The following BAIAP2L1 variants were observed in gnomAD, a reference collection of about 807,000 sequenced individuals.
The protein encoded by BAIAP2L1 is BAR/IMD domain containing adaptor protein 2 like 1, also known as BAR/IMD domain-containing adapter protein 2-like 1.
In BAIAP2L1, 35 loss-of-function variants were observed where a neutral mutation model predicts 66.3. The ratio of observed to expected loss-of-function variants is 0.53; its 90% confidence interval spans 0.40 to 0.70. BAIAP2L1 has a LOEUF of 0.70. Among genes scored for constraint, BAIAP2L1 ranks in the 30% least tolerant of loss-of-function variants. BAIAP2L1 has a pLI of 0.00. For synonymous variants in BAIAP2L1, 269 were observed against 248.7 expected, an observed-to-expected ratio of 1.08 and a Z score of -0.77; for missense variants, 622 against 656.9, an observed-to-expected ratio of 0.95 and a Z score of 0.58.
intron 10 of BAIAP2L1, chr7:98,307,451 C>T (rs1430141385): frequency 7.2e-7 from 1 of 1,387,360 alleles, no homozygotes; most frequent in Non-Finnish European, 9.3e-7. Context: ...AAACTACTTT[C>T]AGACAGGTGA....
chr7:98,320,338 G>A (rs75021532), intron 3 of BAIAP2L1, 40 bp from the exon 4 acceptor site: 52,664 of 1,469,972 alleles, frequency 0.036, 1,091 homozygotes, highest in Non-Finnish European at 0.043. Context: ...AAGCCATTGC[G>A]TATTTTTTTG....
intron 12 of BAIAP2L1, among the ~76,000 whole-genome samples, chr7:98,294,878 C>G (rs955949564): frequency 6.6e-6 from 1 of 152,208 alleles, no homozygotes; most frequent in Non-Finnish European, 1.5e-5. Context: ...CTTCCAGCAC[C>G]TGCCACCCAG....
chr7:98,373,481 G>A (rs1402012189), intron 1 of BAIAP2L1, among the ~76,000 whole-genome samples: 1 of 152,070 alleles, frequency 6.6e-6, no homozygotes, highest in East Asian at 1.9e-4. Flanking sequence ...AATAGCAATG[G>A]GCCTGGAAGG....
At position 98,292,578 on chromosome 7, in the gene BAIAP2L1, C is replaced by T. The variant is rs1445868697; in HGVS notation, c.*943G>A. 3 of 1,496,040 alleles carry T rather than the reference C, an allele frequency of 2.0e-6. No homozygotes were observed. Among genetic ancestry groups the T allele is most frequent in the Non-Finnish European group, 2.7e-6 (3 of 1,096,562 alleles). 92.7% of individuals were successfully genotyped at this position (1,496,040 alleles called of 1,614,324 possible). A position where few individuals can be genotyped will look rare whatever the true frequency, so the allele number is the denominator to read the frequency against. Reference sequence around the variant, plus strand: ...CCAGTGCGTAGTCCTCACATCCATACCATAGGGCCAGGTTCCGAGGGCATC... The same window carrying T: ...CCAGTGCGTAGTCCTCACATCCATATCATAGGGCCAGGTTCCGAGGGCATC... On this transcript the variant is annotated 3_prime_UTR_variant, in exon 14 of 14. Transcript: ENST00000005260.
intron 1 of BAIAP2L1, among the ~76,000 whole-genome samples, chr7:98,398,517 A>G (rs768595239): frequency 2.6e-4 from 40 of 152,092 alleles, no homozygotes; most frequent in Non-Finnish European, 5.1e-4. Flanking sequence ...GGAAATAGTA[A>G]TTAAAACGAA....
intron 3 of BAIAP2L1, among the ~76,000 whole-genome samples, chr7:98,337,633 T>C (rs1005146217): frequency 6.6e-6 from 1 of 152,226 alleles, no homozygotes; most frequent in Non-Finnish European, 1.5e-5. Context: ...TAGTTGGGTA[T>C]GTGGCCGGGC....
At chr7:98,328,018 GT>G (rs377766958) in intron 3 of BAIAP2L1, among the ~76,000 whole-genome samples, 3,683 of 145,444 alleles carry the variant, frequency 0.025, 147 homozygotes, top group African/African-American at 0.087. Context: ...CCCGAACATT[GT>G]TTTTTTTTTT....
chr7:98,356,994 CAA>C (rs1171832329), intron 2 of BAIAP2L1, among the ~76,000 whole-genome samples: 21 of 2,420 alleles, frequency 8.7e-3, no homozygotes, highest in African/African-American at 0.027. Flanking sequence ...GCCCCTGTCT[CAA>C]AAAAAAAAAA....
At chr7:98,323,621 C>T (rs1237191759) in intron 3 of BAIAP2L1, among the ~76,000 whole-genome samples, 1 of 152,182 alleles carries the variant, frequency 6.6e-6, no homozygotes, top group Non-Finnish European at 1.5e-5. Flanking sequence ...CTGGCCTGGC[C>T]GGGCCTCTGG....
At chr7:98,319,051 G>C (rs1231852164) in intron 5 of BAIAP2L1, among the ~76,000 whole-genome samples, 1 of 152,060 alleles carries the variant, frequency 6.6e-6, no homozygotes, top group East Asian at 1.9e-4. Context: ...CTTAGCAGCT[G>C]TCCGGGTCCT....
intron 2 of BAIAP2L1, among the ~76,000 whole-genome samples, chr7:98,357,230 A>G (rs985337933): frequency 4.0e-5 from 6 of 149,298 alleles, no homozygotes; most frequent in Non-Finnish European, 4.4e-5. Context: ...AAACAGTAGT[A>G]TATTTTTTCT....
At chr7:98,328,054 C>T (rs79886092) in intron 3 of BAIAP2L1, among the ~76,000 whole-genome samples, 3,686 of 151,876 alleles carry the variant, frequency 0.024, 147 homozygotes, top group African/African-American at 0.085. Context: ...CTTTTAGACA[C>T]AGCACAAATA....
Position 98,292,332 on chromosome 7 carries a change from C to T in BAIAP2L1, c.*1189G>A. 2.8e-6 allele frequency: 1 copy of T among 358,152 alleles called. No homozygotes were observed. The highest frequency in any genetic ancestry group is 6.1e-5 in the East Asian group (1 of 16,318). 22.2% of individuals were successfully genotyped at this position (358,152 alleles called of 1,614,324 possible). A position where few individuals can be genotyped will look rare whatever the true frequency, so the allele number is the denominator to read the frequency against. ...TGCCTCCCGGGTTCAAGTGATTCTC[C>T]TGCCTCAGCCTCCTGAGTGGCGCCC... On this transcript the variant is annotated 3_prime_UTR_variant, in exon 14 of 14. Transcript: ENST00000005260.
chr7:98,344,058 G>A (rs1177715381), intron 3 of BAIAP2L1, among the ~76,000 whole-genome samples: 1 of 152,178 alleles, frequency 6.6e-6, no homozygotes, highest in Non-Finnish European at 1.5e-5. Context: ...GGTACCTGTA[G>A]TCCCAGCTAT....
chr7:98,296,046 C>T (rs1296325057), intron 12 of BAIAP2L1, among the ~76,000 whole-genome samples: 2 of 152,054 alleles, frequency 1.3e-5, no homozygotes, highest in African/African-American at 4.8e-5. Flanking sequence ...ACAGCCCAGA[C>T]CAGAAACACC....
intron 12 of BAIAP2L1, among the ~76,000 whole-genome samples, chr7:98,298,845 G>A (rs1800297915): frequency 6.6e-6 from 1 of 151,974 alleles, no homozygotes; most frequent in African/African-American, 2.4e-5. Flanking sequence ...AGGTGGCAAA[G>A]GCTGCCATTG....
chr7:98,305,060 T>TG (rs1418311302), intron 11 of BAIAP2L1, among the ~76,000 whole-genome samples: 1 of 147,044 alleles, frequency 6.8e-6, no homozygotes, highest in Non-Finnish European at 1.5e-5. Flanking sequence ...TTTTTTTTTT[T>TG]TTTTTTTTTT....
At chr7:98,365,901 C>T (rs1249106601) in intron 1 of BAIAP2L1, among the ~76,000 whole-genome samples, 1 of 152,170 alleles carries the variant, frequency 6.6e-6, no homozygotes, top group East Asian at 1.9e-4. Flanking sequence ...GATTACCTTT[C>T]ACTGTTTGAT....
intron 1 of BAIAP2L1, among the ~76,000 whole-genome samples, chr7:98,394,266 C>T (rs1459117783): frequency 1.3e-5 from 2 of 148,344 alleles, no homozygotes; most frequent in East Asian, 2.0e-4. Flanking sequence ...AACAAAAAAA[C>T]CCACACATAA....
Sources: gnomAD v4.1 joint callset for allele counts (sites outside exome capture counted in the v4.1 genomes callset) on GRCh38, gnomAD v4.1.1 for gene constraint, MANE v1.5 for transcripts, NCBI Gene and HGNC (gene_info 2026-07-23, HGNC 2026-07-21) for gene names.